GRB2: variants seen among roughly 807,000 people sequenced by gnomAD.
GRB2 encodes the protein growth factor receptor bound protein 2.
Under a neutral mutation model 27.4 loss-of-function variants are expected in GRB2, and 2 were observed. The observed-to-expected ratio is 0.07, with a 90% CI of 0.03 to 0.23. The LOEUF (loss-of-function observed/expected upper bound fraction) is 0.23. GRB2 is among the 10% of genes least tolerant of loss of function. GRB2 has a pLI of 1.00. For missense variants in GRB2, 102 were observed against 282.4 expected (o/e 0.36, Z 4.58); for synonymous variants, 94 against 99.6 (o/e 0.94, Z 0.33).
intron 3 of GRB2, among the ~76,000 whole-genome samples, chr17:75,328,988 T>C (rs1308312864): frequency 6.6e-6 from 1 of 150,760 alleles, no homozygotes; most frequent in African/African-American, 2.4e-5. Flanking sequence ...CACTTAACGG[T>C]ATTGAGACCT....
At chr17:75,338,707 C>T (rs180974209) in intron 2 of GRB2, 68 of 455,460 alleles carry the variant, frequency 1.5e-4, no homozygotes, top group African/African-American at 1.3e-3. Context: ...TGCAAAGAGA[C>T]TGAAAATAAT....
At chr17:75,391,127 A>G (rs1412192539) in intron 2 of GRB2, among the ~76,000 whole-genome samples, 1 of 152,178 alleles carries the variant, frequency 6.6e-6, no homozygotes, top group East Asian at 1.9e-4. Flanking sequence ...CAACTACTGT[A>G]TCGTCACTCT....
chr17:75,385,059 GCAAA>G (rs199796625), intron 2 of GRB2, among the ~76,000 whole-genome samples: 13 of 25,402 alleles, frequency 5.1e-4, no homozygotes, highest in South Asian at 3.2e-3. Flanking sequence ...AAAAAAAAAA[GCAAA>G]CAAACAAACA....
intron 2 of GRB2, among the ~76,000 whole-genome samples, chr17:75,384,819 T>C (rs185198038): frequency 1.3e-5 from 2 of 151,618 alleles, no homozygotes; most frequent in African/African-American, 4.8e-5. Flanking sequence ...GAGATCTATG[T>C]ATATGATAAA....
At chr17:75,395,051 CT>C (rs1197798220) in intron 1 of GRB2, 3 of 152,178 alleles carry the variant, frequency 2.0e-5, no homozygotes, top group Admixed American at 1.3e-4. Context: ...TGACACCTTT[CT>C]TGGATAATTA....
At chr17:75,324,518 T>G (rs1160385576) in intron 4 of GRB2, among the ~76,000 whole-genome samples, 1 of 76,840 alleles carries the variant, frequency 1.3e-5, no homozygotes, top group African/African-American at 4.2e-5. Flanking sequence ...TTTTTTTTTT[T>G]TTTTTTTTTT....
intron 2 of GRB2, among the ~76,000 whole-genome samples, chr17:75,368,543 T>TG (rs199780922): frequency 6.7e-6 from 1 of 150,074 alleles, no homozygotes; most frequent in Non-Finnish European, 1.5e-5. Context: ...TTTTTGTTGT[T>TG]TTTTTTTTTA....
intron 2 of GRB2, among the ~76,000 whole-genome samples, chr17:75,348,526 A>G (rs1045554984): frequency 2.0e-5 from 3 of 152,192 alleles, no homozygotes; most frequent in East Asian, 1.9e-4. Context: ...TGAAAAGGGA[A>G]TAAGAATAAA....
chr17:75,372,892 T>C (rs2078865100), intron 2 of GRB2: 1 of 152,184 alleles, frequency 6.6e-6, no homozygotes, highest in African/African-American at 2.4e-5. Flanking sequence ...AACACCAATT[T>C]ATAAGCTTTT....
intron 2 of GRB2, among the ~76,000 whole-genome samples, chr17:75,380,784 C>T (rs1322150669): frequency 1.3e-5 from 2 of 152,050 alleles, no homozygotes; most frequent in East Asian, 1.9e-4. Context: ...ATAAAATGTG[C>T]GGCGGAAAAA....
chr17:75,363,899 G>A lies in GRB2; in HGVS notation c.78+29652C>T, dbSNP rs939101958. Among the ~76,000 whole-genome samples, 302 of 113,316 alleles carry A rather than the reference G, an allele frequency of 2.7e-3. 3 individuals carry two copies. Among genetic ancestry groups the A allele is most frequent in the South Asian group, 0.016 (56 of 3,454 alleles). The allele number at this position is 113,316 out of a possible 152,430, so 74.3% of individuals were successfully genotyped here. A position where few individuals can be genotyped will look rare whatever the true frequency, so the allele number is the denominator to read the frequency against. ...AAAAAAAAAAAAAAAAAAAAAAAAAGTTTGGCATTCCTCAAGGTTTGCTTT... is the reference window on the plus strand; with the variant it reads ...AAAAAAAAAAAAAAAAAAAAAAAAAATTTGGCATTCCTCAAGGTTTGCTTT... On this transcript the variant is annotated intron_variant, in intron 2 of 5. Coordinates refer to ENST00000316804, the MANE Select transcript of GRB2 (RefSeq NM_002086.5).
chr17:75,327,217 C>T (rs2078504552), intron 3 of GRB2, among the ~76,000 whole-genome samples: 1 of 151,260 alleles, frequency 6.6e-6, no homozygotes, highest in Non-Finnish European at 1.5e-5. Flanking sequence ...TGGGACTATA[C>T]ATAGGCGCCC....
At chr17:75,390,058 G>A (rs2078988987) in intron 2 of GRB2, among the ~76,000 whole-genome samples, 1 of 152,146 alleles carries the variant, frequency 6.6e-6, no homozygotes, top group Non-Finnish European at 1.5e-5. Context: ...TGCTCAGTCA[G>A]TGTGACACTG....
At chr17:75,339,454 A>G (rs1598225220) in intron 2 of GRB2, among the ~76,000 whole-genome samples, 2 of 151,648 alleles carry the variant, frequency 1.3e-5, no homozygotes, top group East Asian at 3.9e-4. Context: ...CGGCCTCCCA[A>G]GAGTTTATGT....
At chr17:75,378,757 T>C (rs998990774) in intron 2 of GRB2, among the ~76,000 whole-genome samples, 1 of 152,180 alleles carries the variant, frequency 6.6e-6, no homozygotes, top group African/African-American at 2.4e-5. Flanking sequence ...AACCTAAGTA[T>C]AGAAGGAGAC....
At chr17:75,348,721 C>A (rs1271334532) in intron 2 of GRB2, among the ~76,000 whole-genome samples, 1 of 152,180 alleles carries the variant, frequency 6.6e-6, no homozygotes, top group Non-Finnish European at 1.5e-5. Flanking sequence ...GTTACCCAGG[C>A]TAGACAATGC....
intron 2 of GRB2, among the ~76,000 whole-genome samples, chr17:75,359,949 A>C (rs1234245792): frequency 6.6e-6 from 1 of 151,648 alleles, no homozygotes; most frequent in Non-Finnish European, 1.5e-5. Flanking sequence ...TGTTGGAAAA[A>C]GTGGTGTGTT....
intron 2 of GRB2, among the ~76,000 whole-genome samples, chr17:75,360,155 C>T (rs552887168): frequency 4.6e-5 from 7 of 151,118 alleles, no homozygotes; most frequent in South Asian, 4.2e-4. Context: ...AAATCATAAA[C>T]GATCTCCCAA....
Position 75,320,917 on chromosome 17 carries a change from T to G in GRB2, c.469-364A>C, listed in dbSNP as rs1179549193. Among the ~76,000 whole-genome samples, 3 of 152,138 alleles carry G rather than the reference T, an allele frequency of 2.0e-5. No homozygotes were observed. The highest frequency in any genetic ancestry group is 4.4e-5 in the Non-Finnish European group (3 of 68,040). ...ATCGCAAATCCCTTCTACGACACCC[T>G]TAAGGTATTAAAGCCTAAAGTTCTG... On this transcript the variant is annotated intron_variant, in intron 5 of 5. Transcript: ENST00000316804. This position sits in a 1 kb window ranked among gnomAD's most constrained non-coding sequence, Gnocchi z 4.3.
Sources: allele counts gnomAD v4.1 joint callset (sites outside exome capture counted in the v4.1 genomes callset), GRCh38; gene constraint gnomAD v4.1.1; non-coding constraint Gnocchi (gnomAD v3.1); transcripts MANE v1.5; gene names NCBI Gene and HGNC (gene_info 2026-07-23, HGNC 2026-07-21).